The following MEGF11 variants were observed in gnomAD, a reference collection of about 807,000 sequenced individuals.
The protein encoded by MEGF11 is multiple EGF like domains 11.
In MEGF11, 126 loss-of-function variants were observed where a neutral mutation model predicts 146.6. The ratio of observed to expected loss-of-function variants is 0.86; its 90% CI spans 0.74 to 1.00. The LOEUF is 1.00. Among genes scored for constraint, MEGF11 ranks in the 50% least tolerant of loss-of-function variants. The probability of loss-of-function intolerance (pLI) is 0.00; values close to 1 mark genes in which losing one functional copy is unlikely to be tolerated. For synonymous variants in MEGF11, 532 were observed against 583.4 expected (o/e 0.91, Z 1.27); for missense variants, 1,509 against 1,521.2 (o/e 0.99, Z 0.13).
At chr15:65,923,045 G>A (rs2079233067) in intron 13 of MEGF11, 76 bp from the exon 14 acceptor site, 24 of 1,500,818 alleles carry the variant, frequency 1.6e-5, no homozygotes, top group Admixed American at 2.2e-5. Context: ...AAGGGGGACA[G>A]TGCAGTATGA....
chr15:66,021,628 T>G (rs2140176746), intron 5 of MEGF11, among the ~76,000 whole-genome samples: 1 of 152,220 alleles, frequency 6.6e-6, no homozygotes, highest in East Asian at 1.9e-4. Flanking sequence ...CAGCAGCCAG[T>G]GCCCGGGGCT....
At chr15:65,923,118 T>C in intron 13 of MEGF11, 149 bp from the exon 14 acceptor site, 1 of 837,362 alleles carries the variant, frequency 1.2e-6, no homozygotes, top group Non-Finnish European at 1.8e-6. Flanking sequence ...GAGGCTTGGC[T>C]GGTCATGGAG....
intron 1 of MEGF11, among the ~76,000 whole-genome samples, chr15:66,138,656 G>C (rs990564060): frequency 6.6e-6 from 1 of 152,148 alleles, no homozygotes; most frequent in Non-Finnish European, 1.5e-5. Context: ...AGGTTTCTGA[G>C]TCCTAATCCC....
rs184773609 is a variant in MEGF11 at position 66,134,925 on chromosome 15, C to T, written c.-8-6514G>A. Among the ~76,000 whole-genome samples the T allele has an allele frequency of 3.6e-3, 546 of 152,314 alleles. 2 individuals are homozygous for T. The highest frequency in any genetic ancestry group is 0.013 in the African/African-American group (523 of 41,540). On this transcript the variant is annotated intron_variant, in intron 1 of 25. Transcript: ENST00000395614. ...GGGAGGTGACTTGCTCAAAGACACACGAAAACTTGGTTGCAGTCTTCATGT... is the reference window on the plus strand; with the variant it reads ...GGGAGGTGACTTGCTCAAAGACACATGAAAACTTGGTTGCAGTCTTCATGT...
intron 1 of MEGF11, among the ~76,000 whole-genome samples, chr15:66,233,290 C>A (rs974794822): frequency 1.3e-5 from 2 of 152,166 alleles, no homozygotes; most frequent in Non-Finnish European, 2.9e-5. Context: ...GGCTGGAGTG[C>A]AAGAGCATGA....
At chr15:66,167,869 G>A (rs1219698066) in intron 1 of MEGF11, among the ~76,000 whole-genome samples, 1 of 152,160 alleles carries the variant, frequency 6.6e-6, no homozygotes, top group African/African-American at 2.4e-5. Flanking sequence ...AGGCCGGGGG[G>A]AAGGGGCAGC....
intron 1 of MEGF11, among the ~76,000 whole-genome samples, chr15:66,232,519 C>T (rs1043736268): frequency 3.3e-5 from 5 of 152,116 alleles, no homozygotes; most frequent in Non-Finnish European, 5.9e-5. Flanking sequence ...AATCCTAGCT[C>T]CCTTAAATCC....
chr15:66,035,906 T>C (rs1394954523), intron 5 of MEGF11, among the ~76,000 whole-genome samples: 1 of 152,264 alleles, frequency 6.6e-6, no homozygotes, highest in Non-Finnish European at 1.5e-5. Flanking sequence ...TACGGGTGAA[T>C]CTGTGGCTGA....
chr15:66,137,458 C>T (rs968114622), intron 1 of MEGF11, among the ~76,000 whole-genome samples: 2 of 151,942 alleles, frequency 1.3e-5, no homozygotes, highest in Non-Finnish European at 2.9e-5. Context: ...ATACGGTGTG[C>T]GTGTGCCAAC....
At chr15:66,150,813 A>G (rs2089539527) in intron 1 of MEGF11, among the ~76,000 whole-genome samples, 1 of 143,136 alleles carries the variant, frequency 7.0e-6, no homozygotes, top group Non-Finnish European at 1.5e-5. Flanking sequence ...GCAATAGAGC[A>G]ATGCCCTGTC....
chr15:66,141,254 G>A, intron 1 of MEGF11, among the ~76,000 whole-genome samples: 1 of 136,456 alleles, frequency 7.3e-6, no homozygotes, highest in African/African-American at 2.7e-5. Flanking sequence ...GTGTGTGTGT[G>A]TGTGTGTGTG....
At chr15:66,179,289 C>T (rs142005762) in intron 1 of MEGF11, among the ~76,000 whole-genome samples, 87 of 152,306 alleles carry the variant, frequency 5.7e-4, no homozygotes, top group African/African-American at 2.1e-3. Flanking sequence ...CACGCCCCCA[C>T]ACCCAGCTAA....
At chr15:66,037,764 C>A (rs997096399) in intron 5 of MEGF11, among the ~76,000 whole-genome samples, 4 of 152,208 alleles carry the variant, frequency 2.6e-5, no homozygotes, top group African/African-American at 9.6e-5. Flanking sequence ...AGTCATCTTC[C>A]TCCTCAGATT....
In MEGF11 at chr15:65,929,885, T is replaced by G; in HGVS notation, c.1409-2A>C. On this transcript the variant is annotated splice_acceptor_variant, in intron 11 of 25. Coordinates refer to ENST00000395614, the MANE Select transcript of MEGF11 (RefSeq NM_001385028.1). LOFTEE classifies it high-confidence loss of function. ...GGGTGCAGTCCAGGCCCTGCCACCCTGAGGGGAGGGAAAGGGACTGTCACT... is the reference window on the plus strand; with the variant it reads ...GGGTGCAGTCCAGGCCCTGCCACCCGGAGGGGAGGGAAAGGGACTGTCACT... The G allele has an allele frequency of 1.9e-6, 3 of 1,594,744 alleles. No homozygotes were observed. In the African/African-American group the frequency reaches 4.0e-5, roughly 21 times the overall value.
At chr15:66,087,448 A>G (rs1399956388) in intron 5 of MEGF11, among the ~76,000 whole-genome samples, 1 of 152,238 alleles carries the variant, frequency 6.6e-6, no homozygotes, top group Non-Finnish European at 1.5e-5. Flanking sequence ...CAATTAATTT[A>G]AGAAAATTGA....
At chr15:65,981,507 C>G (rs1483322274) in intron 6 of MEGF11, among the ~76,000 whole-genome samples, 1 of 152,076 alleles carries the variant, frequency 6.6e-6, no homozygotes. Flanking sequence ...TGGGAGCTGG[C>G]CAGACATCGG....
chr15:66,044,901 G>A (rs1430205605), intron 5 of MEGF11, among the ~76,000 whole-genome samples: 1 of 148,016 alleles, frequency 6.8e-6, no homozygotes, highest in East Asian at 2.0e-4. Context: ...TGGAATGTGA[G>A]GAGAATGGAG....
At chr15:65,973,446 CAT>C (rs572303521) in intron 7 of MEGF11, among the ~76,000 whole-genome samples, 98 of 152,274 alleles carry the variant, frequency 6.4e-4, no homozygotes, top group South Asian at 2.5e-3. Context: ...TGTATATTAA[CAT>C]AAATATTAAA....
intron 1 of MEGF11, among the ~76,000 whole-genome samples, chr15:66,221,823 T>A (rs2091745661): frequency 6.6e-6 from 1 of 152,134 alleles, no homozygotes; most frequent in Non-Finnish European, 1.5e-5. Context: ...GCTCCCTTTG[T>A]GACTAACTGA....
Sources: allele counts gnomAD v4.1 joint callset (sites outside exome capture counted in the v4.1 genomes callset), GRCh38; gene constraint gnomAD v4.1.1; transcripts MANE v1.5; gene names NCBI Gene and HGNC (gene_info 2026-07-23, HGNC 2026-07-21).